DCUN1D1: variants seen among roughly 807,000 people sequenced by gnomAD.
DCUN1D1 encodes the protein DCN1-like protein 1.
A neutral mutation model predicts 39.0 loss-of-function variants in DCUN1D1; 3 were observed. The ratio of observed to expected loss-of-function variants is 0.08; its 90% CI spans 0.04 to 0.20. The LOEUF is 0.20. Ranked by LOEUF, DCUN1D1 falls within the 10% of genes least tolerant of loss-of-function variation. The pLI is 1.00. For synonymous variants in DCUN1D1, 82 were observed against 96.3 expected, an observed-to-expected ratio of 0.85 and a Z score of 0.87; for missense variants, 158 against 302.4, an observed-to-expected ratio of 0.52 and a Z score of 3.54.
intron 1 of DCUN1D1, among the ~76,000 whole-genome samples, chr3:182,970,127 G>A (rs893906437): frequency 2.6e-5 from 4 of 151,926 alleles, no homozygotes; most frequent in South Asian, 2.1e-4. Flanking sequence ...TTGTTGTAGC[G>A]CACACCTATA....
upstream of DCUN1D1, among the ~76,000 whole-genome samples, chr3:182,982,763 C>A (rs541418987): frequency 3.3e-5 from 5 of 152,222 alleles, no homozygotes; most frequent in African/African-American, 1.2e-4. Context: ...CTGTCTCAGC[C>A]CCCACCGAGT....
chr3:182,950,361 T>C (rs1298682964), intron 4 of DCUN1D1, among the ~76,000 whole-genome samples: 1 of 152,076 alleles, frequency 6.6e-6, no homozygotes, highest in Non-Finnish European at 1.5e-5. Context: ...TTGGCCAGGA[T>C]GGTCTCTATC....
At chr3:182,970,365 AT>A (rs1727872494) in intron 1 of DCUN1D1, among the ~76,000 whole-genome samples, 1 of 152,252 alleles carries the variant, frequency 6.6e-6, no homozygotes, top group Non-Finnish European at 1.5e-5. Context: ...CATTAAAAGT[AT>A]TTCCCCAAGG....
chr3:182,955,861 G>A (rs570893567), intron 4 of DCUN1D1: 10 of 194,788 alleles, frequency 5.1e-5, no homozygotes, highest in South Asian at 8.8e-5. Context: ...GATTACAGGC[G>A]TGAGCCACCG....
At chr3:182,968,012 AG>A (rs1363289758) in intron 1 of DCUN1D1, among the ~76,000 whole-genome samples, 3 of 152,226 alleles carry the variant, frequency 2.0e-5, no homozygotes, top group African/African-American at 4.8e-5. Flanking sequence ...ACAATGGTGC[AG>A]GAAGTGTTGG....
rs1413582352 is a variant in DCUN1D1, at chr3:182,938,272, A to G, written c.*6822T>C. The G allele has an allele frequency of 6.6e-6, 1 of 152,110 alleles. No homozygotes were observed. Among genetic ancestry groups the G allele is most frequent in the Non-Finnish European group, 1.5e-5 (1 of 68,000 alleles). 9.4% of individuals were successfully genotyped at this position (152,110 alleles called of 1,614,324 possible). On this transcript the variant is annotated 3_prime_UTR_variant, in exon 7 of 7. Transcript: ENST00000292782. ...TTTTCAAAAAAATGAATTTGAAGCC[A>G]AAGAGTGGAGAGTGTGGGGATCCAC...
rs957277646 is a variant in DCUN1D1, at chr3:182,944,066, A to G, written c.*1028T>C. Reference sequence around the variant, plus strand: ...TTATAAAGATTGAACTTCATGGCTCATTACAACCATTTTCAAAATTTAACT... The same window carrying G: ...TTATAAAGATTGAACTTCATGGCTCGTTACAACCATTTTCAAAATTTAACT... On this transcript the variant is annotated 3_prime_UTR_variant, in exon 7 of 7. Coordinates refer to ENST00000292782, the MANE Select transcript of DCUN1D1 (RefSeq NM_020640.4). 38 of 152,628 alleles carry G rather than the reference A, an allele frequency of 2.5e-4. No homozygotes were observed. Among genetic ancestry groups the G allele is most frequent in the Admixed American group, 6.5e-5 (1 of 15,270 alleles). 9.5% of individuals were successfully genotyped at this position (152,628 alleles called of 1,614,324 possible). A position where few individuals can be genotyped will look rare whatever the true frequency, so the allele number is the denominator to read the frequency against.
At chr3:182,961,932 G>C (rs949089157) in intron 3 of DCUN1D1, among the ~76,000 whole-genome samples, 1 of 152,168 alleles carries the variant, frequency 6.6e-6, no homozygotes, top group Non-Finnish European at 1.5e-5. Context: ...AGTTTGAAAA[G>C]CTCTAAGTAC....
chr3:182,965,066 A>C (rs1727602674), intron 2 of DCUN1D1, among the ~76,000 whole-genome samples: 1 of 152,150 alleles, frequency 6.6e-6, no homozygotes, highest in Non-Finnish European at 1.5e-5. Context: ...TTTGAAAGAA[A>C]CTCTGTAAAT....
chr3:182,981,000 A>C (rs1451961584), upstream of DCUN1D1: 1 of 152,142 alleles, frequency 6.6e-6, no homozygotes, highest in African/African-American at 2.4e-5. Flanking sequence ...TATCAAAAAA[A>C]GGGAGAAGAT....
At chr3:182,965,365 G>C (rs746755783) in intron 2 of DCUN1D1, among the ~76,000 whole-genome samples, 172 bp downstream of exon 2, 8 of 152,108 alleles carry the variant, frequency 5.3e-5, no homozygotes, top group African/African-American at 1.9e-4. Context: ...AGAAATTTTA[G>C]TGAAAAGAAA....
chr3:182,973,909 T>C (rs985594414), intron 1 of DCUN1D1, among the ~76,000 whole-genome samples: 13 of 152,184 alleles, frequency 8.5e-5, no homozygotes, highest in Admixed American at 6.5e-4. Flanking sequence ...AGGCAACTAA[T>C]GAAAATTTAA....
chr3:182,966,351 C>G (rs965533160), intron 1 of DCUN1D1, among the ~76,000 whole-genome samples: 2 of 152,150 alleles, frequency 1.3e-5, no homozygotes, highest in East Asian at 3.8e-4. Flanking sequence ...CGACATTTCT[C>G]CTAGTTGTAT....
chr3:182,939,664 C>T lies in DCUN1D1; in HGVS notation c.*5430G>A, dbSNP rs1327037066. On this transcript the variant is annotated 3_prime_UTR_variant, in exon 7 of 7. Coordinates refer to ENST00000292782, the MANE Select transcript of DCUN1D1 (RefSeq NM_020640.4). ...AGAAAGGGTAAATCTGTACAGAAAG[C>T]AGATCAGTGTGGCTGCGTGGGGCTG... 1 of 152,172 alleles carries T rather than the reference C, an allele frequency of 6.6e-6. No homozygotes were observed. The highest frequency in any genetic ancestry group is 1.5e-5 in the Non-Finnish European group (1 of 68,008). The allele number at this position is 152,172 out of a possible 1,614,324, so 9.4% of individuals were successfully genotyped here.
chr3:182,969,852 T>C (rs1416902025), intron 1 of DCUN1D1, among the ~76,000 whole-genome samples: 5 of 152,186 alleles, frequency 3.3e-5, no homozygotes, highest in African/African-American at 1.2e-4. Flanking sequence ...GTAAAATGAA[T>C]TTATTTGTTC....
At chr3:182,980,413 G>C (rs112225175) in intron 1 of DCUN1D1, 74 bp downstream of exon 1, 2 of 1,000,636 alleles carry the variant, frequency 2.0e-6, no homozygotes, top group African/African-American at 1.8e-5. Flanking sequence ...CGGGACGGAG[G>C]GCGGCCGGGG....
At chr3:182,964,121 G>T in intron 2 of DCUN1D1, 72 bp from the exon 3 acceptor site, 3 of 1,270,790 alleles carry the variant, frequency 2.4e-6, no homozygotes, top group Non-Finnish European at 3.3e-6. Context: ...AAAAGGTAAT[G>T]CTTTATATGC....
chr3:182,961,202 A>C lies in DCUN1D1; in HGVS notation c.520+24T>G, dbSNP rs375877720. On this transcript the variant is annotated intron_variant, in intron 4 of 6. Coordinates refer to ENST00000292782, the MANE Select transcript of DCUN1D1 (RefSeq NM_020640.4). The stretch of plus-strand genomic sequence containing the variant: ...GTATTTGAATATATCTGAAACACCA[A>C]ATATAATTTTTAAAAATTCTTACCT... 4.5e-4 allele frequency: 638 copies of C among 1,430,108 alleles called. 1 individual carries two copies. Among genetic ancestry groups the C allele is most frequent in the South Asian group, 2.5e-3 (200 of 78,572 alleles). The allele number at this position is 1,430,108 out of a possible 1,614,324, so 88.6% of individuals were successfully genotyped here.
intron 4 of DCUN1D1, among the ~76,000 whole-genome samples, chr3:182,950,084 A>T (rs1257683678): frequency 3.3e-5 from 5 of 152,170 alleles, no homozygotes; most frequent in Admixed American, 3.3e-4. Flanking sequence ...CCCTCTTCTC[A>T]ACATCTCCAA....
Sources: gnomAD v4.1 joint callset for allele counts (sites outside exome capture counted in the v4.1 genomes callset) on GRCh38, gnomAD v4.1.1 for gene constraint, MANE v1.5 for transcripts, NCBI Gene and HGNC (gene_info 2026-07-23, HGNC 2026-07-21) for gene names.